The following BRWD3 variants were observed in gnomAD, a reference collection of about 807,000 sequenced individuals.
BRWD3 encodes the protein bromodomain and WD repeat-containing protein 3.
In BRWD3, 10 loss-of-function variants were observed where a neutral mutation model predicts 149.7. That is an observed-to-expected ratio of 0.07 (90% CI 0.04 to 0.11). The LOEUF is 0.11. Ranked by LOEUF, BRWD3 falls within the 10% of genes least tolerant of loss-of-function variation. The pLI, the probability that BRWD3 is intolerant of heterozygous loss-of-function variation, is 1.00. For missense variants in BRWD3, 940 were observed against 1,373.2 expected (o/e 0.68, Z 4.99); for synonymous variants, 504 against 456.7 (o/e 1.10, Z -1.32).
At chrX:80,800,248 GCTT>G (rs1287948363) in intron 4 of BRWD3, among the ~76,000 whole-genome samples, 21 of 103,499 alleles carry the variant, frequency 2.0e-4, no homozygotes, top group Admixed American at 4.3e-4. Context: ...ATTAAGAAGG[GCTT>G]CTTTTTTTTT....
At chrX:80,725,115 G>A in intron 14 of BRWD3, 48 bp from the exon 15 acceptor site, 1 of 1,167,248 alleles carries the variant, frequency 8.6e-7, no homozygotes, top group Non-Finnish European at 1.2e-6. Flanking sequence ...GAAATGTTTG[G>A]TTCATTTGGT....
chrX:80,796,026 T>C (rs1351118604), intron 4 of BRWD3, among the ~76,000 whole-genome samples: 1 of 111,258 alleles, frequency 9.0e-6, no homozygotes, highest in African/African-American at 3.3e-5. Context: ...TTCAATGATG[T>C]ATTCCTTGCA....
At position 80,765,653 on chromosome X, in the gene BRWD3, CCTTT is replaced by C. The variant is rs1270962125; in HGVS notation, c.431-19928_431-19925del. Among the ~76,000 whole-genome samples, 3 of 110,587 alleles carry C rather than the reference CCTTT, an allele frequency of 2.7e-5. No homozygotes were observed. In the East Asian group the frequency reaches 8.5e-4, roughly 31 times the overall value. On this transcript the variant is annotated intron_variant, in intron 6 of 40. Coordinates refer to ENST00000373275, the MANE Select transcript of BRWD3 (RefSeq NM_153252.5). ...GTGTATAAAACAGTTTCTTTGCTTT[CCTTT>C]ATCATGTAAAATAAGATGTACTAAC...
chrX:80,693,183 G>A, intron 27 of BRWD3, 132 bp from the exon 28 acceptor site: 3 of 480,617 alleles, frequency 6.2e-6, no homozygotes, highest in Non-Finnish European at 7.2e-6. Context: ...CTAGGTTTTC[G>A]GGATAAGTGA....
rs1569244634 is a variant in BRWD3, at chrX:80,682,534, C to G, written c.4328G>C (p.Arg1443Thr). The G allele has an allele frequency of 1.7e-6, 2 of 1,209,877 alleles. No homozygotes were observed. The highest frequency in any genetic ancestry group is 3.5e-5 in the South Asian group (2 of 56,967). The change falls in exon 38 of 41, where the codon AGG becomes ACG. Residue 1443 changes from arginine (R) to threonine (T), a missense_variant. Arg to Thr is a moderately conservative substitution (Grantham distance 71). Coordinates refer to ENST00000373275, the MANE Select transcript of BRWD3 (RefSeq NM_153252.5). ...EYKSAIQSQK[R>T]RRPRYRKRLR... ...ACGTTTTCTGTACCGTGGCCTTCTC[C>G]TCTTCTGACTCTGGATTGCTGACTT...
At position 80,669,641 on chromosome X, in the gene BRWD3, A is replaced by C. The variant is rs1312657707; in HGVS notation, c.*6968T>G. Among the ~76,000 whole-genome samples, 2 of 111,327 alleles carry C rather than the reference A, an allele frequency of 1.8e-5. No individual in the cohort carries two copies. The highest frequency in any genetic ancestry group is 6.5e-5 in the African/African-American group (2 of 30,629). On this transcript the variant is annotated 3_prime_UTR_variant, in exon 41 of 41. Coordinates refer to ENST00000373275, the MANE Select transcript of BRWD3 (RefSeq NM_153252.5). ...TTTTTAAAAGCCAAGGGAGGAGGGA[A>C]CACGTTAGCAGTTTCCTTGACTTAA...
At chrX:80,772,915 G>A (rs1457226448) in intron 6 of BRWD3, among the ~76,000 whole-genome samples, 1 of 112,103 alleles carries the variant, frequency 8.9e-6, no homozygotes, top group Non-Finnish European at 1.9e-5. Flanking sequence ...GCAATGAAAA[G>A]GAATGAATAC....
chrX:80,760,016 C>A (rs2073786380), intron 6 of BRWD3, among the ~76,000 whole-genome samples: 1 of 111,818 alleles, frequency 8.9e-6, no homozygotes, highest in African/African-American at 3.2e-5. Context: ...TTGTTTAAGA[C>A]CAAGAATAGC....
intron 12 of BRWD3, among the ~76,000 whole-genome samples, chrX:80,732,037 A>G (rs949353434): frequency 7.2e-5 from 8 of 111,300 alleles, no homozygotes; most frequent in African/African-American, 2.3e-4. Flanking sequence ...GTGATGGGTC[A>G]CCAATAGTCA....
intron 20 of BRWD3, among the ~76,000 whole-genome samples, chrX:80,712,764 C>T (rs1295615245): frequency 3.6e-5 from 4 of 109,661 alleles, no homozygotes; most frequent in African/African-American, 1.3e-4. Flanking sequence ...CCCTGCCGCC[C>T]CGTCTGGGAT....
chrX:80,808,488 G>T (rs780623719), intron 4 of BRWD3, 51 bp downstream of exon 4: 3 of 1,061,415 alleles, frequency 2.8e-6, no homozygotes, highest in African/African-American at 1.9e-5. Context: ...TACAAGGTGG[G>T]GAGGGAGTGG....
intron 8 of BRWD3, among the ~76,000 whole-genome samples, chrX:80,743,233 C>A (rs1442014838): frequency 8.9e-6 from 1 of 111,735 alleles, no homozygotes; most frequent in African/African-American, 3.3e-5. Flanking sequence ...GCCGTGCATC[C>A]CAGGGATGAA....
At chrX:80,765,851 T>C (rs1037948935) in intron 6 of BRWD3, among the ~76,000 whole-genome samples, 1 of 111,926 alleles carries the variant, frequency 8.9e-6, no homozygotes, top group Non-Finnish European at 1.9e-5. Flanking sequence ...AACAGATATA[T>C]CATGGCAAGT....
At chrX:80,745,153 TTCA>T (rs775870259) in intron 7 of BRWD3, among the ~76,000 whole-genome samples, 1 of 111,274 alleles carries the variant, frequency 9.0e-6, no homozygotes, top group African/African-American at 3.3e-5. Context: ...AGCTATAATC[TTCA>T]TCACAGTGTA....
chrX:80,725,998 CAT>C (rs1305145899), intron 14 of BRWD3, among the ~76,000 whole-genome samples: 3 of 91,011 alleles, frequency 3.3e-5, no homozygotes, highest in African/African-American at 1.3e-4. Flanking sequence ...TATAACATAA[CAT>C]GTTTACATGT....
intron 13 of BRWD3, 54 bp downstream of exon 13, chrX:80,729,862 C>T (rs2073301268): frequency 1.2e-6 from 1 of 813,504 alleles, no homozygotes; most frequent in Non-Finnish European, 1.9e-6. Context: ...CACTATTAAA[C>T]TCAATGTAAA....
intron 8 of BRWD3, among the ~76,000 whole-genome samples, chrX:80,740,518 G>C (rs2073470350): frequency 8.9e-6 from 1 of 112,104 alleles, no homozygotes; most frequent in Admixed American, 9.5e-5. Flanking sequence ...GCCAAAGCCA[G>C]AGGATCGCAC....
At chrX:80,768,200 A>T (rs1003319442) in intron 6 of BRWD3, among the ~76,000 whole-genome samples, 7 of 111,353 alleles carry the variant, frequency 6.3e-5, no homozygotes, top group Non-Finnish European at 1.1e-4. Flanking sequence ...GCAAGGCAGG[A>T]GAGCATTCAA....
chrX:80,809,815 G>A lies in BRWD3; in HGVS notation c.-344C>T, dbSNP rs2074395127. The A allele has an allele frequency of 7.5e-6, 1 of 133,562 alleles. No homozygotes were observed. The highest frequency in any genetic ancestry group is 1.4e-5 in the Non-Finnish European group (1 of 73,033). 11.0% of individuals were successfully genotyped at this position (133,562 alleles called of 1,213,427 possible). A position where few individuals can be genotyped will look rare whatever the true frequency, so the allele number is the denominator to read the frequency against. ...AGAGAGAGAGAGAGACGCGGGGGGTGGGGGGGCGGAGAGAGAGAGAGAGAG... is the reference window on the plus strand; with the variant it reads ...AGAGAGAGAGAGAGACGCGGGGGGTAGGGGGGCGGAGAGAGAGAGAGAGAG... On this transcript the variant is annotated 5_prime_UTR_variant, in exon 1 of 41. Coordinates refer to ENST00000373275, the MANE Select transcript of BRWD3 (RefSeq NM_153252.5).
Sources: allele counts gnomAD v4.1 joint callset (sites outside exome capture counted in the v4.1 genomes callset), GRCh38; gene constraint gnomAD v4.1.1; transcripts MANE v1.5; gene names NCBI Gene and HGNC (gene_info 2026-07-23, HGNC 2026-07-21).